The following FADS1 variants were observed in gnomAD, a reference collection of about 807,000 sequenced individuals.
The protein encoded by FADS1 is fatty acid desaturase 1.
Under a neutral mutation model 61.6 loss-of-function variants are expected in FADS1, and 17 were observed. The ratio of observed to expected loss-of-function variants is 0.28; its 90% CI spans 0.19 to 0.41. The LOEUF (loss-of-function observed/expected upper bound fraction) is 0.41. Ranked by LOEUF, FADS1 falls within the 10% of genes least tolerant of loss-of-function variation. The pLI, the probability that FADS1 is intolerant of heterozygous loss-of-function variation, is 1.00. For missense variants in FADS1, 387 were observed against 650.9 expected, an observed-to-expected ratio of 0.59 and a Z score of 4.41; for synonymous variants, 238 against 258.7, an observed-to-expected ratio of 0.92 and a Z score of 0.77.
At chr11:61,804,840 G>C (rs1164576271) in intron 6 of FADS1, 79 bp from the exon 7 acceptor site, 1 of 1,230,972 alleles carries the variant, frequency 8.1e-7, no homozygotes, top group Non-Finnish European at 1.2e-6. Flanking sequence ...GGGAGAGATG[G>C]CCTCTAGCAG....
intron 6 of FADS1, 59 bp downstream of exon 6, chr11:61,806,605 C>T: frequency 4.1e-6 from 6 of 1,465,140 alleles, no homozygotes; most frequent in Non-Finnish European, 1.9e-6. Context: ...CCACATCCTC[C>T]TCATTCCCTC....
chr11:61,816,430 T>A lies in FADS1; in HGVS notation c.375+125A>T. On this transcript the variant is annotated intron_variant, in intron 1 of 11. Transcript: ENST00000350997. The surrounding 1 kb of genome is among the most constrained non-coding windows in gnomAD (Gnocchi z 7.0). ...ACACCCAATCACCGGGCAACAGGTA[T>A]GATCAGGCGCCTCCGGGCTTTCCTC... 6.3e-7 allele frequency: 1 copy of A among 1,598,998 alleles called. No individual in the cohort carries two copies. Among genetic ancestry groups the A allele is most frequent in the Non-Finnish European group, 8.5e-7 (1 of 1,179,806 alleles).
chr11:61,806,643 G>T (rs780253309), intron 6 of FADS1, 21 bp downstream of exon 6: 2 of 1,604,674 alleles, frequency 1.2e-6, no homozygotes, highest in South Asian at 2.2e-5. Context: ...CAGCTCCCCT[G>T]TGTTGGATGG....
chr11:61,815,954 A>C lies in FADS1; in HGVS notation c.375+601T>G. On this transcript the variant is annotated intron_variant, in intron 1 of 11. Coordinates refer to ENST00000350997, the MANE Select transcript of FADS1 (RefSeq NM_013402.7). The surrounding 1 kb of genome is among the most constrained non-coding windows in gnomAD (Gnocchi z 6.4). ...CAGCGGCCGCTTGCCCTCCCCGGCCAGCGCTGTCCCTTCCGCGTCCTCCAG... is the reference window on the plus strand; with the variant it reads ...CAGCGGCCGCTTGCCCTCCCCGGCCCGCGCTGTCCCTTCCGCGTCCTCCAG... The C allele has an allele frequency of 1.3e-5, 5 of 371,078 alleles. No homozygotes were observed. Among genetic ancestry groups the C allele is most frequent in the Middle Eastern group, 7.6e-4 (1 of 1,316 alleles). The allele number at this position is 371,078 out of a possible 1,614,324, so 23.0% of individuals were successfully genotyped here. A position where few individuals can be genotyped will look rare whatever the true frequency, so the allele number is the denominator to read the frequency against.
rs2066984045 is a variant in FADS1, at chr11:61,816,421, C to A, written c.375+134G>T. The A allele has an allele frequency of 1.3e-6, 2 of 1,598,820 alleles. No homozygotes were observed. Among genetic ancestry groups the A allele is most frequent in the Non-Finnish European group, 1.7e-6 (2 of 1,179,808 alleles). On this transcript the variant is annotated intron_variant, in intron 1 of 11. Transcript: ENST00000350997. This position sits in a 1 kb window ranked among gnomAD's most constrained non-coding sequence, Gnocchi z 7.0. Reference sequence around the variant, plus strand: ...ATCCGCAGGACACCCAATCACCGGGCAACAGGTATGATCAGGCGCCTCCGG... The same window carrying A: ...ATCCGCAGGACACCCAATCACCGGGAAACAGGTATGATCAGGCGCCTCCGG...
intron 5 of FADS1, 157 bp downstream of exon 5, chr11:61,810,594 G>A: frequency 2.4e-6 from 2 of 838,048 alleles, no homozygotes; most frequent in Non-Finnish European, 3.8e-6. Context: ...CCCATCTATT[G>A]CCTGTTGCCT....
rs2066860423 is a variant in FADS1 at position 61,802,243 on chromosome 11, G to C, written c.*168C>G. 1.1e-5 allele frequency: 7 copies of C among 662,330 alleles called. No individual in the cohort carries two copies. In the East Asian group the frequency reaches 1.9e-4, roughly 18 times the overall value. 41.0% of individuals were successfully genotyped at this position (662,330 alleles called of 1,614,324 possible). On this transcript the variant is annotated 3_prime_UTR_variant, in exon 12 of 12. Coordinates refer to ENST00000350997, the MANE Select transcript of FADS1 (RefSeq NM_013402.7). The surrounding 1 kb of genome is among the most constrained non-coding windows in gnomAD (Gnocchi z 4.2). ...TGTCCACCCCCCACTTTGGGTCTTA[G>C]AACTGTGGCTAGAAGATAAAAGGGA...
Position 61,812,515 on chromosome 11 carries a change from A to C in FADS1, c.640T>G (p.Phe214Val). The change falls in exon 3 of 12, where the codon TTT (phenylalanine) becomes GTT (valine). Residue 214 changes from phenylalanine (F) to valine (V), a missense_variant. Phe to Val is a conservative substitution (Grantham distance 50, BLOSUM62 -1). This residue lies in a region of FADS1 where 257 missense variants were observed against 533.3 expected (regional missense o/e 0.48). Coordinates refer to ENST00000350997, the MANE Select transcript of FADS1 (RefSeq NM_013402.7). The part of the protein sequence containing the change: ...WLTLWVFGTS[F>V]LPFLLCAVLL... ...ACCGCACAGAGGAGGAAGGGCAAAAAGGACGTCCCAAAGACCCAAAGGGTG... is the reference window on the plus strand; with the variant it reads ...ACCGCACAGAGGAGGAAGGGCAAAACGGACGTCCCAAAGACCCAAAGGGTG... 1.9e-6 allele frequency: 3 copies of C among 1,614,080 alleles called. No individual in the cohort carries two copies. Among genetic ancestry groups the C allele is most frequent in the Non-Finnish European group, 2.5e-6 (3 of 1,180,034 alleles).
At position 61,800,610 on chromosome 11, in the gene FADS1, A is replaced by G. The variant is rs1428231665; in HGVS notation, c.*1801T>C. The G allele has an allele frequency of 6.6e-6, 1 of 152,414 alleles. No homozygotes were observed. Among genetic ancestry groups the G allele is most frequent in the Non-Finnish European group, 1.5e-5 (1 of 68,022 alleles). 9.4% of individuals were successfully genotyped at this position (152,414 alleles called of 1,614,324 possible). On this transcript the variant is annotated 3_prime_UTR_variant, in exon 12 of 12. Coordinates refer to ENST00000350997, the MANE Select transcript of FADS1 (RefSeq NM_013402.7). ...GGGTGGTGCATCTGACCCTATCCCA[A>G]CATGCCTTAGGACGCTCATCTCCTT... is the stretch of plus-strand genomic sequence containing the variant.
Position 61,801,585 on chromosome 11 carries a change from G to A in FADS1, c.*826C>T, listed in dbSNP as rs1418408722. On this transcript the variant is annotated 3_prime_UTR_variant, in exon 12 of 12. Transcript: ENST00000350997. ...ATCAGTGGTTCCAGGATCCTTCAGA[G>A]CCAAAAGACCCCAATACCACAGTCT... The A allele has an allele frequency of 1.3e-5, 2 of 152,346 alleles. No homozygotes were observed. The highest frequency in any genetic ancestry group is 4.8e-5 in the African/African-American group (2 of 41,426). The allele number at this position is 152,346 out of a possible 1,614,324, so 9.4% of individuals were successfully genotyped here. A position where few individuals can be genotyped will look rare whatever the true frequency, so the allele number is the denominator to read the frequency against.
intron 1 of FADS1, chr11:61,813,999 C>T (rs1399678299): frequency 4.6e-5 from 7 of 153,748 alleles, no homozygotes; most frequent in African/African-American, 1.7e-4. Flanking sequence ...GCTGCTCCCC[C>T]TCACACCCCC....
At position 61,816,235 on chromosome 11, in the gene FADS1, C is replaced by G; in HGVS notation, c.375+320G>C. 6.3e-7 allele frequency: 1 copy of G among 1,594,466 alleles called. No individual in the cohort carries two copies. Among genetic ancestry groups the G allele is most frequent in the East Asian group, 2.2e-5 (1 of 44,866 alleles). On this transcript the variant is annotated intron_variant, in intron 1 of 11. Transcript: ENST00000350997. The surrounding 1 kb of genome is among the most constrained non-coding windows in gnomAD (Gnocchi z 7.0). ...CTCTCCTCCCTCCTAGCCTACCCAG[C>G]TCGGGGTTCTGTCCCCGCCCAGAGA...
rs2066842224 is a variant in FADS1 at position 61,799,770 on chromosome 11, CAT to C, written c.*2639_*2640del. 6.6e-6 allele frequency: 1 copy of C among 152,576 alleles called. No homozygotes were observed. The highest frequency in any genetic ancestry group is 2.4e-5 in the African/African-American group (1 of 41,456). The allele number at this position is 152,576 out of a possible 1,614,324, so 9.5% of individuals were successfully genotyped here. A position where few individuals can be genotyped will look rare whatever the true frequency, so the allele number is the denominator to read the frequency against. ...AAAAAGTGAAAGTAACAAAGATAAA[CAT>C]AGAAGTTGGAGTTGTAAAAAAGTGA... On this transcript the variant is annotated 3_prime_UTR_variant, in exon 12 of 12. Coordinates refer to ENST00000350997, the MANE Select transcript of FADS1 (RefSeq NM_013402.7).
chr11:61,804,684 C>A lies in FADS1; in HGVS notation c.1053+1G>T, dbSNP rs765159384. Reference sequence around the variant, plus strand: ...GGGCTTCTTGGGCCATGGATACTCACCACCCACTTCTTTCGCTGGATAACA... The same window carrying A: ...GGGCTTCTTGGGCCATGGATACTCAACACCCACTTCTTTCGCTGGATAACA... On this transcript the variant is annotated splice_donor_variant, in intron 7 of 11. Transcript: ENST00000350997. LOFTEE classifies it high-confidence loss of function. 1.9e-6 allele frequency: 3 copies of A among 1,613,612 alleles called. No homozygotes were observed. Among genetic ancestry groups the A allele is most frequent in the Non-Finnish European group, 2.5e-6 (3 of 1,179,538 alleles).
intron 1 of FADS1, 57 bp from the exon 2 acceptor site, chr11:61,813,410 G>T: frequency 9.8e-7 from 1 of 1,023,884 alleles, no homozygotes; most frequent in Non-Finnish European, 1.5e-6. Flanking sequence ...GACTCCGGCA[G>T]TGTTCGCACC....
chr11:61,812,871 C>T (rs1349123168), intron 2 of FADS1, among the ~76,000 whole-genome samples: 1 of 152,182 alleles, frequency 6.6e-6, no homozygotes, highest in Non-Finnish European at 1.5e-5. Context: ...TAAGTCCTTG[C>T]TCTGCCATTT....
Position 61,816,342 on chromosome 11 carries a change from C to T in FADS1, c.375+213G>A. On this transcript the variant is annotated intron_variant, in intron 1 of 11. Transcript: ENST00000350997. The surrounding 1 kb of genome is among the most constrained non-coding windows in gnomAD (Gnocchi z 7.0). ...GTGTGTGCGTGTTGTTGGCCTCCATCCCCACTCCCCAGACTCCACTTCTCC... is the reference window on the plus strand; with the variant it reads ...GTGTGTGCGTGTTGTTGGCCTCCATTCCCACTCCCCAGACTCCACTTCTCC... The T allele has an allele frequency of 6.3e-7, 1 of 1,598,382 alleles. No homozygotes were observed. Among genetic ancestry groups the T allele is most frequent in the Non-Finnish European group, 8.5e-7 (1 of 1,179,766 alleles).
At chr11:61,814,622 AG>A (rs1265139252) in intron 1 of FADS1, 1 of 152,216 alleles carries the variant, frequency 6.6e-6, no homozygotes, top group Non-Finnish European at 1.5e-5. Context: ...ATGCTTCCAC[AG>A]CCTGTAAGGG....
intron 6 of FADS1, chr11:61,805,610 T>G (rs2066887847): frequency 6.6e-6 from 1 of 152,080 alleles, no homozygotes; most frequent in South Asian, 2.1e-4. Flanking sequence ...TTCGTGATAG[T>G]TGGTGATAGG....
Sources: allele counts gnomAD v4.1 joint callset (sites outside exome capture counted in the v4.1 genomes callset), GRCh38; gene constraint gnomAD v4.1.1; regional missense constraint gnomAD v4.1.1; non-coding constraint Gnocchi (gnomAD v3.1); transcripts MANE v1.5; gene names NCBI Gene and HGNC (gene_info 2026-07-23, HGNC 2026-07-21).